The following DLGAP2 variants were observed in gnomAD, a reference collection of about 807,000 sequenced individuals.
The protein encoded by DLGAP2 is disks large-associated protein 2.
In DLGAP2, 26 loss-of-function variants were observed where a neutral mutation model predicts 100.3. The ratio of observed to expected loss-of-function variants is 0.26; its 90% confidence interval spans 0.19 to 0.36. DLGAP2 has a LOEUF of 0.36. DLGAP2 is among the 10% of genes least tolerant of loss of function. DLGAP2 has a pLI of 1.00. For missense variants in DLGAP2, 1,858 were observed against 1,453.2 expected, an observed-to-expected ratio of 1.28 and a Z score of -4.53; for synonymous variants, 886 against 630.1, an observed-to-expected ratio of 1.41 and a Z score of -6.08.
chr8:1,044,773 G>A (rs1035368374), intron 2 of DLGAP2, among the ~76,000 whole-genome samples: 2 of 152,118 alleles, frequency 1.3e-5, no homozygotes, highest in African/African-American at 4.8e-5. Flanking sequence ...ATACCCCCTC[G>A]CTATGGAAGA....
intron 2 of DLGAP2, among the ~76,000 whole-genome samples, chr8:1,020,997 T>G (rs1350280444): frequency 6.6e-6 from 1 of 152,222 alleles, no homozygotes; most frequent in Non-Finnish European, 1.5e-5. Context: ...GCACCTTTTA[T>G]AGATAAACTA....
intron 1 of DLGAP2, among the ~76,000 whole-genome samples, chr8:777,172 C>A (rs577811197): frequency 6.6e-6 from 1 of 152,192 alleles, no homozygotes; most frequent in South Asian, 2.1e-4. Context: ...AGGATTGCAA[C>A]CCCTGCCTTT....
chr8:1,233,151 T>C (rs1798572481), intron 2 of DLGAP2, among the ~76,000 whole-genome samples: 1 of 152,208 alleles, frequency 6.6e-6, no homozygotes, highest in Non-Finnish European at 1.5e-5. Context: ...GCAAATGACA[T>C]TCCATTGTTT....
chr8:1,589,522 A>G (rs1796227000), intron 6 of DLGAP2, among the ~76,000 whole-genome samples: 1 of 152,038 alleles, frequency 6.6e-6, no homozygotes, highest in South Asian at 2.1e-4. Flanking sequence ...CTGCAGCCTC[A>G]ACCTCCCCAG....
chr8:1,471,474 C>T (rs1798789099), intron 3 of DLGAP2, among the ~76,000 whole-genome samples: 1 of 151,782 alleles, frequency 6.6e-6, no homozygotes, highest in African/African-American at 2.4e-5. Flanking sequence ...GCCTCCTCAC[C>T]TCTGTCAGAG....
chr8:1,154,638 C>T (rs957622432), intron 2 of DLGAP2, among the ~76,000 whole-genome samples: 1 of 152,046 alleles, frequency 6.6e-6, no homozygotes, highest in East Asian at 1.9e-4. Context: ...TTAAAAACCC[C>T]AGCAGCCAGT....
intron 3 of DLGAP2, among the ~76,000 whole-genome samples, chr8:1,424,724 A>G (rs1316035917): frequency 6.6e-6 from 1 of 152,152 alleles, no homozygotes; most frequent in Non-Finnish European, 1.5e-5. Flanking sequence ...TAGGACAAGG[A>G]TGGTGTGATC....
intron 3 of DLGAP2, among the ~76,000 whole-genome samples, chr8:1,351,949 G>A (rs571314929): frequency 0.01 from 852 of 81,744 alleles, 63 homozygotes; most frequent in Non-Finnish European, 0.017. Flanking sequence ...TGGAAAGGCC[G>A]TGCGGGTCCT....
At chr8:1,621,306 C>T (rs1485462566) in intron 6 of DLGAP2, 1 of 152,820 alleles carries the variant, frequency 6.5e-6, no homozygotes, top group East Asian at 1.9e-4. Context: ...TGCACTGGGA[C>T]CAGGGCAGAG....
chr8:815,927 T>C (rs942914678), intron 1 of DLGAP2, among the ~76,000 whole-genome samples: 6 of 152,220 alleles, frequency 3.9e-5, no homozygotes, highest in Non-Finnish European at 7.3e-5. Context: ...TTGTGATATT[T>C]TCCTGTTGGA....
rs1410142518 is a variant in DLGAP2 at position 1,632,709 on chromosome 8, T to C, written c.1591-118T>C. ...GCCCATGCTGACTTCAGGTTAACTG[T>C]GCTGAACTATGAGGCAGTGAAAGGC... On this transcript the variant is annotated intron_variant, in intron 7 of 14. Transcript: ENST00000637795. 4.2e-6 allele frequency: 4 copies of C among 960,954 alleles called. No individual in the cohort carries two copies. In the African/African-American group the frequency reaches 4.9e-5, roughly 12 times the overall value. 59.5% of individuals were successfully genotyped at this position (960,954 alleles called of 1,614,324 possible).
chr8:1,612,440 A>G (rs1052955325), intron 6 of DLGAP2, among the ~76,000 whole-genome samples: 9 of 140,404 alleles, frequency 6.4e-5, no homozygotes, highest in Non-Finnish European at 4.6e-5. Context: ...TAAAAACCCT[A>G]GAAGAAAACC....
chr8:1,704,425 A>G lies in DLGAP2; in HGVS notation c.*3019A>G, dbSNP rs554922054. The G allele has an allele frequency of 6.6e-6, 1 of 152,354 alleles. No individual in the cohort carries two copies. Among genetic ancestry groups the G allele is most frequent in the South Asian group, 2.1e-4 (1 of 4,832 alleles). 9.4% of individuals were successfully genotyped at this position (152,354 alleles called of 1,614,324 possible). ...GTGGTTAATAAAACACAAGTATGAT[A>G]AACAGGACCTAGCGTTTAGCCCGGG... is the stretch of plus-strand genomic sequence containing the variant. On this transcript the variant is annotated 3_prime_UTR_variant, in exon 15 of 15. Transcript: ENST00000637795.
At chr8:1,179,474 G>C (rs528596082) in intron 2 of DLGAP2, among the ~76,000 whole-genome samples, 1 of 152,228 alleles carries the variant, frequency 6.6e-6, no homozygotes, top group Non-Finnish European at 1.5e-5. Context: ...TCCCCAGCAG[G>C]CTCTGCAAGA....
At chr8:1,188,458 A>C (rs1397810254) in intron 2 of DLGAP2, among the ~76,000 whole-genome samples, 8 of 126,656 alleles carry the variant, frequency 6.3e-5, no homozygotes, top group Non-Finnish European at 1.2e-4. Context: ...TCCCTCACGG[A>C]ATCTCGCACG....
chr8:1,458,292 G>A (rs550287194), intron 3 of DLGAP2, among the ~76,000 whole-genome samples: 1 of 151,970 alleles, frequency 6.6e-6, no homozygotes, highest in Non-Finnish European at 1.5e-5. Flanking sequence ...TTAAAATTCT[G>A]GTCATTGAAG....
At chr8:913,759 G>T (rs1013922326) in intron 2 of DLGAP2, among the ~76,000 whole-genome samples, 1 of 152,216 alleles carries the variant, frequency 6.6e-6, no homozygotes, top group Non-Finnish European at 1.5e-5. Flanking sequence ...ACAGGTTTGC[G>T]CTAAGTCAGT....
intron 3 of DLGAP2, among the ~76,000 whole-genome samples, chr8:1,277,979 C>T (rs1032049149): frequency 2.2e-4 from 34 of 152,158 alleles, no homozygotes; most frequent in South Asian, 4.1e-4. Flanking sequence ...GGATGGGGCT[C>T]ATCAAACATC....
At chr8:1,231,889 C>T (rs1229066690) in intron 2 of DLGAP2, among the ~76,000 whole-genome samples, 1 of 152,032 alleles carries the variant, frequency 6.6e-6, no homozygotes, top group South Asian at 2.1e-4. Context: ...GTCATACCCC[C>T]AAATCTCAGC....
Sources: gnomAD v4.1 joint callset for allele counts (sites outside exome capture counted in the v4.1 genomes callset) on GRCh38, gnomAD v4.1.1 for gene constraint, MANE v1.5 for transcripts, NCBI Gene and HGNC (gene_info 2026-07-23, HGNC 2026-07-21) for gene names.